NOTCH3: variants seen among roughly 807,000 people sequenced by gnomAD.
NOTCH3 encodes notch receptor 3, also known as neurogenic locus notch homolog protein 3.
Under a neutral mutation model 213.3 loss-of-function variants are expected in NOTCH3, and 86 were observed. The observed-to-expected ratio is 0.40, with a 90% CI of 0.34 to 0.48. NOTCH3 has a LOEUF of 0.48. Among genes scored for constraint, NOTCH3 ranks in the 20% least tolerant of loss-of-function variants. NOTCH3 has a pLI of 0.57. For synonymous variants in NOTCH3, 1,354 were observed against 1,355.9 expected, an observed-to-expected ratio of 1.00 and a Z score of 0.03; for missense variants, 2,783 against 3,272.6, an observed-to-expected ratio of 0.85 and a Z score of 3.65.
Position 15,177,756 on chromosome 19 carries a change from G to A in NOTCH3, c.4172C>T (p.Ala1391Val). Residue 1391 changes from alanine (A) to valine (V), a missense_variant, in exon 24 of 33, where the codon GCC (alanine) becomes GTC (valine). Around this residue, in one of 6 missense-constraint regions of NOTCH3, gnomAD observed 133 missense variants for 201.9 expected, o/e 0.66. Coordinates refer to ENST00000263388, the MANE Select transcript of NOTCH3 (RefSeq NM_000435.3). ...VSEEPRCPRAACQAKRGDQRC... is the reference protein window; with the variant it reads ...VSEEPRCPRAVCQAKRGDQRC... ...CTGGTCCCCGCGCTTGGCCTGGCAG[G>A]CGGCGCGCGGGCACCGCGGCTCCTC... The A allele has an allele frequency of 1.4e-6, 2 of 1,393,090 alleles. No individual in the cohort carries two copies. The highest frequency in any genetic ancestry group is 1.6e-5 in the South Asian group (1 of 62,120). 86.3% of individuals were successfully genotyped at this position (1,393,090 alleles called of 1,614,324 possible). A position where few individuals can be genotyped will look rare whatever the true frequency, so the allele number is the denominator to read the frequency against.
At chr19:15,163,261 G>A (rs2046660380) in intron 31 of NOTCH3, among the ~76,000 whole-genome samples, 1 of 152,126 alleles carries the variant, frequency 6.6e-6, no homozygotes, top group African/African-American at 2.4e-5. Flanking sequence ...CCATTCAATG[G>A]GGAAAGAATG....
At chr19:15,161,789 G>A (rs997546308) in intron 32 of NOTCH3, 75 bp from the exon 33 acceptor site, 18 of 1,313,430 alleles carry the variant, frequency 1.4e-5, no homozygotes, top group Non-Finnish European at 1.6e-5. Flanking sequence ...TCTTGGGGGA[G>A]CCCGAGAGCT....
At position 15,165,026 on chromosome 19, in the gene NOTCH3, C is replaced by T. The variant is rs1242526894; in HGVS notation, c.5815+342G>A. ...TCCTGGCCTCAAGTCATCCTCCTGC[C>T]TCAGCCTCCCAAAGTGTTGGGATCA... On this transcript the variant is annotated intron_variant, in intron 31 of 32. Coordinates refer to ENST00000263388, the MANE Select transcript of NOTCH3 (RefSeq NM_000435.3). The surrounding 1 kb of genome is among the most constrained non-coding windows in gnomAD (Gnocchi z 4.7). 6.6e-5 allele frequency among the ~76,000 whole-genome samples: 10 copies of T among 152,336 alleles called. No individual in the cohort carries two copies. The highest frequency in any genetic ancestry group is 2.1e-4 in the South Asian group (1 of 4,824).
In NOTCH3 at chr19:15,163,780, G is replaced by A. The variant is rs900973322; in HGVS notation, c.5816-1218C>T. Among the ~76,000 whole-genome samples the A allele has an allele frequency of 9.9e-5, 15 of 152,100 alleles. No homozygotes were observed. In the East Asian group the frequency reaches 1.9e-3, roughly 20 times the overall value. On this transcript the variant is annotated intron_variant, in intron 31 of 32. Transcript: ENST00000263388. ...TGGGAGTTTGAGGCTGCAGAGAGCC[G>A]TAATCATGCCACTGCACTCCAGCCT...
chr19:15,178,021 G>A lies in NOTCH3; in HGVS notation c.3907C>T (p.Pro1303Ser), dbSNP rs1334358242. 6.7e-7 allele frequency: 1 copy of A among 1,501,444 alleles called. No homozygotes were observed. 93.0% of individuals were successfully genotyped at this position (1,501,444 alleles called of 1,614,324 possible). The change falls in exon 24 of 33, where the codon CCA becomes TCA. Residue 1303 changes from proline (P) to serine (S), a missense_variant. This residue lies in a region of NOTCH3 where 133 missense variants were observed against 201.9 expected (regional missense o/e 0.66). Coordinates refer to ENST00000263388, the MANE Select transcript of NOTCH3 (RefSeq NM_000435.3). ...CRELQCPVGV[P>S]CQQTPRGPRC... ...GGCCCGCGGGGCGTCTGCTGGCATG[G>A]GACGCCCACCGGGCACTGCAGCTCC...
At chr19:15,164,395 G>T (rs8102480) in intron 31 of NOTCH3, among the ~76,000 whole-genome samples, 109,388 of 151,768 alleles carry the variant, frequency 0.72, 39,753 homozygotes, top group Non-Finnish European at 0.77. Context: ...CAAAAAAATA[G>T]CCAGGCATGG....
chr19:15,177,299 G>A (rs910171638), intron 24 of NOTCH3, among the ~76,000 whole-genome samples: 5 of 151,772 alleles, frequency 3.3e-5, no homozygotes, highest in Admixed American at 6.6e-5. Flanking sequence ...GCAGACAAAC[G>A]GGGCAGAGAA....
At position 15,160,569 on chromosome 19, in the gene NOTCH3, GA is replaced by G; in HGVS notation, c.*92del. 1.9e-6 allele frequency: 2 copies of G among 1,061,732 alleles called. No individual in the cohort carries two copies. Among genetic ancestry groups the G allele is most frequent in the Admixed American group, 3.4e-5 (2 of 59,312 alleles). The allele number at this position is 1,061,732 out of a possible 1,614,324, so 65.8% of individuals were successfully genotyped here. A position where few individuals can be genotyped will look rare whatever the true frequency, so the allele number is the denominator to read the frequency against. On this transcript the variant is annotated 3_prime_UTR_variant, in exon 33 of 33. Transcript: ENST00000263388. ...AGGGTTGGTGGAAAGAGAAGAGGAT[GA>G]AAAAGACTAAAAGGAAGGAAGAGAC...
chr19:15,169,140 C>G (rs140105963), intron 28 of NOTCH3, among the ~76,000 whole-genome samples: 1 of 151,242 alleles, frequency 6.6e-6, no homozygotes, highest in African/African-American at 2.4e-5. Flanking sequence ...GACCCTAATC[C>G]AATAGGATTG....
intron 2 of NOTCH3, among the ~76,000 whole-genome samples, chr19:15,193,607 A>C (rs1029175137): frequency 7.9e-5 from 12 of 151,822 alleles, no homozygotes; most frequent in Admixed American, 2.6e-4. Flanking sequence ...TTTCCACAAA[A>C]AAAAATTAAA....
chr19:15,197,615 G>T, intron 1 of NOTCH3, 37 bp from the exon 2 acceptor site: 1 of 1,597,620 alleles, frequency 6.3e-7, no homozygotes, highest in Non-Finnish European at 8.5e-7. Context: ...GATCAGCCAG[G>T]TGCCCAGGAA....
rs1426118686 is a variant in NOTCH3, at chr19:15,161,593, G to A, written c.6035C>T (p.Ala2012Val). The A allele has an allele frequency of 6.2e-7, 1 of 1,611,836 alleles. No homozygotes were observed. Among genetic ancestry groups the A allele is most frequent in the Non-Finnish European group, 8.5e-7 (1 of 1,179,156 alleles). ...GATGTCCTGGTGCAGTCTCTCCTGGGCTACGTCCCGCGGCAGCCTGTCCAG... is the reference window on the plus strand; with the variant it reads ...GATGTCCTGGTGCAGTCTCTCCTGGACTACGTCCCGCGGCAGCCTGTCCAG... Reference protein sequence around the residue: ...DHLDRLPRDVAQERLHQDIVR... With the variant: ...DHLDRLPRDVVQERLHQDIVR... Residue 2012 changes from alanine (A) to valine (V), a missense_variant, in exon 33 of 33, where the codon GCC becomes GTC. This residue lies in a region of NOTCH3 where 441 missense variants were observed against 432.1 expected (regional missense o/e 1.02). Transcript: ENST00000263388.
At chr19:15,172,367 T>A (rs1021367119) in intron 25 of NOTCH3, among the ~76,000 whole-genome samples, 1 of 152,204 alleles carries the variant, frequency 6.6e-6, no homozygotes, top group Non-Finnish European at 1.5e-5. Context: ...AGGTATCTCC[T>A]TGGAGGCCTT....
chr19:15,185,685 G>A lies in NOTCH3; in HGVS notation c.1952-6C>T, dbSNP rs2046876259. The stretch of plus-strand genomic sequence containing the variant: ...CTCCACGTTACAAAGGGGCCCTGGG[G>A]AGTACACAAGCAATCTCATCTCAGA... On this transcript the variant is annotated splice_region_variant and splice_polypyrimidine_tract_variant and intron_variant, in intron 12 of 32. Transcript: ENST00000263388. The surrounding 1 kb of genome is among the most constrained non-coding windows in gnomAD (Gnocchi z 4.2). 1 of 1,612,742 alleles carries A rather than the reference G, an allele frequency of 6.2e-7. No homozygotes were observed. Among genetic ancestry groups the A allele is most frequent in the Middle Eastern group, 1.7e-4 (1 of 6,050 alleles).
chr19:15,196,062 G>A (rs1352268354), intron 2 of NOTCH3, among the ~76,000 whole-genome samples: 1 of 151,636 alleles, frequency 6.6e-6, no homozygotes, highest in African/African-American at 2.4e-5. Context: ...ATCCTTGAAA[G>A]GACTTGAGTA....
chr19:15,168,571 C>A (rs573084270), intron 28 of NOTCH3, among the ~76,000 whole-genome samples: 1 of 152,090 alleles, frequency 6.6e-6, no homozygotes, highest in African/African-American at 2.4e-5. Flanking sequence ...CGGTGGCTCA[C>A]GTCTGTAATC....
In NOTCH3 at chr19:15,160,891, G is replaced by A. The variant is rs2145380219; in HGVS notation, c.6737C>T (p.Thr2246Ile). The change falls in exon 33 of 33, where the codon ACC becomes ATC. Residue 2246 changes from threonine (T) to isoleucine (I), a missense_variant. Transcript: ENST00000263388. ...LRVPSEHPYL[T>I]PSPESPEHWA... is the part of the protein sequence containing the mutation. The stretch of plus-strand genomic sequence containing the variant: ...GTGCTCAGGGGATTCGGGGGATGGG[G>A]TCAGGTAAGGGTGCTCACTGGGAAC... 1 of 1,612,954 alleles carries A rather than the reference G, an allele frequency of 6.2e-7. No individual in the cohort carries two copies. The highest frequency in any genetic ancestry group is 8.5e-7 in the Non-Finnish European group (1 of 1,179,320).
At chr19:15,170,975 C>T in intron 25 of NOTCH3, 150 bp from the exon 26 acceptor site, 1 of 789,990 alleles carries the variant, frequency 1.3e-6, no homozygotes, top group Non-Finnish European at 2.1e-6. Context: ...CACCTGGCAT[C>T]CAACCCCACT....
chr19:15,161,600 C>G lies in NOTCH3; in HGVS notation c.6028G>C (p.Asp2010His). 1.2e-6 allele frequency: 2 copies of G among 1,612,328 alleles called. No homozygotes were observed. Among genetic ancestry groups the G allele is most frequent in the Non-Finnish European group, 1.7e-6 (2 of 1,179,360 alleles). Residue 2010 changes from aspartate to histidine, a missense_variant, in exon 33 of 33, where the codon GAC becomes CAC. By Grantham distance (81) the Asp-to-His change is moderately conservative. This residue lies in a region of NOTCH3 where 441 missense variants were observed against 432.1 expected (regional missense o/e 1.02). Coordinates refer to ENST00000263388, the MANE Select transcript of NOTCH3 (RefSeq NM_000435.3). The part of the protein sequence containing the change: ...ITDHLDRLPR[D>H]VAQERLHQDI... ...TGGTGCAGTCTCTCCTGGGCTACGT[C>G]CCGCGGCAGCCTGTCCAGGTGGTCG...
Sources: gnomAD v4.1 joint callset for allele counts (sites outside exome capture counted in the v4.1 genomes callset) on GRCh38, gnomAD v4.1.1 for gene constraint, gnomAD v4.1.1 regional missense constraint, Gnocchi (gnomAD v3.1) non-coding constraint, MANE v1.5 for transcripts, NCBI Gene and HGNC (gene_info 2026-07-23, HGNC 2026-07-21) for gene names.